The following DYNC1I1 variants were observed in gnomAD, a reference collection of about 807,000 sequenced individuals.
DYNC1I1 encodes the protein cytoplasmic dynein 1 intermediate chain 1.
Under a neutral mutation model 86.6 loss-of-function variants are expected in DYNC1I1, and 43 were observed. The ratio of observed to expected loss-of-function variants is 0.50; its 90% CI spans 0.39 to 0.64. The LOEUF (loss-of-function observed/expected upper bound fraction) is 0.64, where lower values mean the gene tolerates loss of function less well. Among genes scored for constraint, DYNC1I1 ranks in the 30% least tolerant of loss-of-function variants. The pLI is 0.00. For synonymous variants in DYNC1I1, 262 were observed against 283.7 expected, an observed-to-expected ratio of 0.92 and a Z score of 0.77; for missense variants, 604 against 788.8, an observed-to-expected ratio of 0.77 and a Z score of 2.81.
chr7:95,854,513 T>G (rs10243220), intron 5 of DYNC1I1, among the ~76,000 whole-genome samples: 2 of 152,030 alleles, frequency 1.3e-5, no homozygotes, highest in Non-Finnish European at 2.9e-5. Flanking sequence ...ATTGTTTCTC[T>G]TGTTATTTTT....
intron 6 of DYNC1I1, among the ~76,000 whole-genome samples, chr7:95,936,870 G>A (rs1472240682): frequency 6.6e-6 from 1 of 150,668 alleles, no homozygotes; most frequent in African/African-American, 2.4e-5. Context: ...CCAAAGAGAA[G>A]TAACAGTTCA....
At chr7:95,823,768 A>C (rs1362517783) in intron 4 of DYNC1I1, among the ~76,000 whole-genome samples, 1 of 151,750 alleles carries the variant, frequency 6.6e-6, no homozygotes, top group Non-Finnish European at 1.5e-5. Context: ...TTGTTCTCAC[A>C]ACAAATTGTT....
chr7:95,851,505 G>C (rs1789578280), intron 5 of DYNC1I1, among the ~76,000 whole-genome samples: 1 of 151,846 alleles, frequency 6.6e-6, no homozygotes, highest in South Asian at 2.1e-4. Context: ...TGGATAAAGA[G>C]GGGCTACTGT....
In DYNC1I1 at chr7:95,830,926, G is replaced by A. The variant is rs371712255; in HGVS notation, c.374+2810G>A. On this transcript the variant is annotated intron_variant, in intron 5 of 16. Transcript: ENST00000447467. The stretch of plus-strand genomic sequence containing the variant: ...TTAACTATTATTAAAGAAGTATAGT[G>A]GTATTTCATTGTGGTTTTAATTTGC... Among the ~76,000 whole-genome samples, 5 of 152,004 alleles carry A rather than the reference G, an allele frequency of 3.3e-5. No homozygotes were observed. In the East Asian group the frequency reaches 5.8e-4, roughly 18 times the overall value.
At chr7:95,953,520 A>G (rs539038943) in intron 6 of DYNC1I1, among the ~76,000 whole-genome samples, 19 of 152,334 alleles carry the variant, frequency 1.2e-4, no homozygotes, top group African/African-American at 4.6e-4. Flanking sequence ...CAGACATTAC[A>G]TTGTTAAAAA....
intron 6 of DYNC1I1, among the ~76,000 whole-genome samples, chr7:95,955,397 G>A (rs990457063): frequency 2.6e-4 from 39 of 151,992 alleles, no homozygotes; most frequent in African/African-American, 8.2e-4. Context: ...GTCGTAGCTC[G>A]CTGCAGCCTT....
chr7:96,074,208 T>A (rs1008560975), intron 14 of DYNC1I1, among the ~76,000 whole-genome samples: 1 of 152,202 alleles, frequency 6.6e-6, no homozygotes, highest in Non-Finnish European at 1.5e-5. Flanking sequence ...TCTCACTATA[T>A]CCACATAGTG....
chr7:95,825,966 T>G (rs1795193971), intron 4 of DYNC1I1, among the ~76,000 whole-genome samples: 2 of 152,180 alleles, frequency 1.3e-5, no homozygotes, highest in African/African-American at 2.4e-5. Context: ...ATCAGCTTAT[T>G]AAAGCTCTCC....
chr7:95,997,541 CACA>C (rs1319638607), intron 10 of DYNC1I1, among the ~76,000 whole-genome samples: 2 of 151,258 alleles, frequency 1.3e-5, no homozygotes, highest in Non-Finnish European at 1.5e-5. Context: ...TGTTTTACCA[CACA>C]ACAATAGTTA....
intron 1 of DYNC1I1, among the ~76,000 whole-genome samples, chr7:95,781,443 A>G (rs1397007630): frequency 6.6e-6 from 1 of 152,222 alleles, no homozygotes; most frequent in Non-Finnish European, 1.5e-5. Flanking sequence ...ACAATAAATT[A>G]GAGACCTTAA....
chr7:95,819,450 A>T (rs1795025606), intron 4 of DYNC1I1, among the ~76,000 whole-genome samples: 1 of 152,108 alleles, frequency 6.6e-6, no homozygotes, highest in African/African-American at 2.4e-5. Context: ...CTTTATCCAC[A>T]GTCAGATTCT....
intron 14 of DYNC1I1, among the ~76,000 whole-genome samples, chr7:96,044,182 T>C (rs1318369161): frequency 6.6e-6 from 1 of 152,196 alleles, no homozygotes; most frequent in African/African-American, 2.4e-5. Context: ...AGCTGGATGA[T>C]TGATATTAGT....
chr7:96,006,012 G>A (rs1042700706), intron 10 of DYNC1I1, among the ~76,000 whole-genome samples: 5 of 152,158 alleles, frequency 3.3e-5, no homozygotes, highest in African/African-American at 1.2e-4. Context: ...ACATGTGCGT[G>A]AAGAAAACAA....
intron 1 of DYNC1I1, among the ~76,000 whole-genome samples, chr7:95,780,566 C>T (rs926096302): frequency 6.6e-6 from 1 of 152,004 alleles, no homozygotes; most frequent in African/African-American, 2.4e-5. Context: ...GTGTGAGCCA[C>T]CACGCCCGGC....
chr7:95,789,856 T>C (rs1794247334), intron 1 of DYNC1I1, among the ~76,000 whole-genome samples: 1 of 152,216 alleles, frequency 6.6e-6, no homozygotes. Flanking sequence ...AAGTAACAAT[T>C]ATAAATAATA....
chr7:95,897,615 G>A (rs1790919000), intron 6 of DYNC1I1, among the ~76,000 whole-genome samples: 1 of 152,150 alleles, frequency 6.6e-6, no homozygotes, highest in African/African-American at 2.4e-5. Flanking sequence ...GATTAAACAA[G>A]ATTATAATCA....
chr7:95,953,781 A>G (rs1481564620), intron 6 of DYNC1I1, among the ~76,000 whole-genome samples: 1 of 152,210 alleles, frequency 6.6e-6, no homozygotes, highest in African/African-American at 2.4e-5. Context: ...GAGTCACTAA[A>G]TCAAGGCAAA....
At chr7:95,909,591 T>C (rs944371880) in intron 6 of DYNC1I1, among the ~76,000 whole-genome samples, 2 of 152,070 alleles carry the variant, frequency 1.3e-5, no homozygotes, top group Non-Finnish European at 2.9e-5. Context: ...GGAATGAGGG[T>C]GAAGCTGGAG....
At chr7:96,000,848 T>G (rs1040701570) in intron 10 of DYNC1I1, among the ~76,000 whole-genome samples, 10 of 152,186 alleles carry the variant, frequency 6.6e-5, no homozygotes, top group African/African-American at 2.4e-4. Context: ...TGTAGGTGAT[T>G]CCTCATCTGA....
Sources: allele counts gnomAD v4.1 joint callset (sites outside exome capture counted in the v4.1 genomes callset), GRCh38; gene constraint gnomAD v4.1.1; transcripts MANE v1.5; gene names NCBI Gene and HGNC (gene_info 2026-07-23, HGNC 2026-07-21).